The following TOP1MT variants were observed in gnomAD, a reference collection of about 807,000 sequenced individuals.
TOP1MT encodes DNA topoisomerase I mitochondrial.
TOP1MT carries 80 observed loss-of-function variants against 73.9 expected under a neutral mutation model. The observed-to-expected ratio is 1.08, with a 90% CI of 0.90 to 1.30. TOP1MT has a LOEUF of 1.30. Among genes scored for constraint, TOP1MT ranks in the 50% most tolerant of loss-of-function variants. The pLI is 0.00. For synonymous variants in TOP1MT, 338 were observed against 326.4 expected (o/e 1.04, Z -0.38); for missense variants, 815 against 808.0 (o/e 1.01, Z -0.10).
In TOP1MT at chr8:143,316,145, C is replaced by T; in HGVS notation, c.1331-19G>A. On this transcript the variant is annotated intron_variant, in intron 10 of 13. Coordinates refer to ENST00000329245, the MANE Select transcript of TOP1MT (RefSeq NM_052963.3). ...TCCTCGGCTGAGAGGCACGGGCTGT[C>T]AGAGGCAGCACCCACGGGGCCGGCC... is the stretch of plus-strand genomic sequence containing the variant. 6.2e-7 allele frequency: 1 copy of T among 1,613,934 alleles called. No homozygotes were observed. The highest frequency in any genetic ancestry group is 8.5e-7 in the Non-Finnish European group (1 of 1,179,948).
At chr8:143,314,911 G>A (rs1816111492) in intron 12 of TOP1MT, among the ~76,000 whole-genome samples, 1 of 152,138 alleles carries the variant, frequency 6.6e-6, no homozygotes, top group African/African-American at 2.4e-5. Context: ...AGATATGAGG[G>A]GACATAGTGA....
chr8:143,343,361 A>T, intron 1 of TOP1MT: 1 of 441,436 alleles, frequency 2.3e-6, no homozygotes, highest in Non-Finnish European at 4.6e-6. Flanking sequence ...ACAGAGAGTC[A>T]GAACAACCTC....
At position 143,333,174 on chromosome 8, in the gene TOP1MT, C is replaced by T. The variant is rs554651755; in HGVS notation, c.122+1566G>A. Among the ~76,000 whole-genome samples, 10 of 151,448 alleles carry T rather than the reference C, an allele frequency of 6.6e-5. No individual in the cohort carries two copies. The East Asian group carries it at 1.4e-3, about 21-fold the overall frequency. ...GGAACTAACTGATAGGAGCCAGGCG[C>T]GGTGACTCACGCCTGTAATACCAGC... is the stretch of plus-strand genomic sequence containing the variant. On this transcript the variant is annotated intron_variant, in intron 1 of 13. Coordinates refer to ENST00000329245, the MANE Select transcript of TOP1MT (RefSeq NM_052963.3).
intron 8 of TOP1MT, among the ~76,000 whole-genome samples, chr8:143,320,628 A>G (rs1816305096): frequency 6.6e-6 from 1 of 152,248 alleles, no homozygotes; most frequent in South Asian, 2.1e-4. Flanking sequence ...TCATAGAAAG[A>G]GTGGGCTGGG....
chr8:143,329,404 A>G lies in TOP1MT; in HGVS notation c.306T>C (p.His102=). 3 of 1,610,760 alleles carry G rather than the reference A, an allele frequency of 1.9e-6. No homozygotes were observed. The highest frequency in any genetic ancestry group is 2.5e-6 in the Non-Finnish European group (3 of 1,179,150). ...GGAAAACCTCCTTTGTTGTGTATTC[A>G]TGATCTAACATCCTCCCATAAAAAG... ...VATFYGRMLD[H]EYTTKEVFRK... The change falls in exon 3 of 14, where the codon CAT becomes CAC. Residue 102 remains histidine (H), a synonymous_variant. Coordinates refer to ENST00000329245, the MANE Select transcript of TOP1MT (RefSeq NM_052963.3).
upstream of TOP1MT, among the ~76,000 whole-genome samples, chr8:143,345,794 A>G (rs1817210341): frequency 6.6e-6 from 1 of 152,212 alleles, no homozygotes; most frequent in South Asian, 2.1e-4. Flanking sequence ...ACTTTTTCTA[A>G]ATTGAAGTCC....
At chr8:143,311,547 A>C (rs1211281723) in intron 12 of TOP1MT, among the ~76,000 whole-genome samples, 1 of 152,070 alleles carries the variant, frequency 6.6e-6, no homozygotes, top group Non-Finnish European at 1.5e-5. Flanking sequence ...GGAGATTGAG[A>C]CCATCCTGGC....
rs542581908 is a variant in TOP1MT, at chr8:143,310,250, C to T, written c.1554-33G>A. On this transcript the variant is annotated intron_variant, in intron 12 of 13. Transcript: ENST00000329245. ...GAGAAGAGGAGGCCGCGAGGCCCCG[C>T]GCTGGACTAGCGCCACCTGAGGAGA... 237 of 1,464,656 alleles carry T rather than the reference C, an allele frequency of 1.6e-4. 3 individuals are homozygous for T. The highest frequency in any genetic ancestry group is 1.3e-3 in the South Asian group (95 of 72,316). 90.7% of individuals were successfully genotyped at this position (1,464,656 alleles called of 1,614,324 possible). A position where few individuals can be genotyped will look rare whatever the true frequency, so the allele number is the denominator to read the frequency against.
chr8:143,334,953 G>T, upstream of TOP1MT: 1 of 1,200,608 alleles, frequency 8.3e-7, no homozygotes, highest in African/African-American at 1.7e-5. Context: ...CCCCGAGCGC[G>T]GCCTCCGCCC....
rs1816952074 is a variant in TOP1MT at position 143,334,854 on chromosome 8, A to C, written c.8T>G (p.Val3Gly). 6.8e-7 allele frequency: 1 copy of C among 1,481,318 alleles called. No homozygotes were observed. The highest frequency in any genetic ancestry group is 8.8e-7 in the Non-Finnish European group (1 of 1,133,950). The allele number at this position is 1,481,318 out of a possible 1,614,324, so 91.8% of individuals were successfully genotyped here. Residue 3 changes from valine (V) to glycine (G), a missense_variant, in exon 1 of 14, where the codon GTG becomes GGG. This residue lies in a region of TOP1MT where 60 missense variants were observed against 65.9 expected (regional missense o/e 0.91). Transcript: ENST00000329245. MR[V>G]VRLLRLRAAL... is the part of the protein sequence containing the mutation. Reference sequence around the variant, plus strand: ...CGCCCGGAGCCGCAGCAGCCGCACCACGCGCATCTGCCAGCCTCCGGGAAA... The same window carrying C: ...CGCCCGGAGCCGCAGCAGCCGCACCCCGCGCATCTGCCAGCCTCCGGGAAA...
At chr8:143,355,197 G>T (rs767582256) in intron 1 of TOP1MT, 7 of 152,200 alleles carry the variant, frequency 4.6e-5, no homozygotes, top group African/African-American at 7.2e-5. Context: ...CAGCAAACAC[G>T]ATTTGACAGG....
At chr8:143,318,201 C>T in intron 8 of TOP1MT, 115 bp from the exon 9 acceptor site, 2 of 872,554 alleles carry the variant, frequency 2.3e-6, no homozygotes, top group Non-Finnish European at 3.7e-6. Context: ...AGGAAGGTGG[C>T]CCGAGCAGCA....
intron 5 of TOP1MT, among the ~76,000 whole-genome samples, chr8:143,325,105 T>C (rs1816668571): frequency 6.6e-6 from 1 of 152,126 alleles, no homozygotes; most frequent in African/African-American, 2.4e-5. Context: ...CACATGGAGG[T>C]GTCCTTGGCG....
rs763983283 is a variant in TOP1MT, at chr8:143,321,341, C to G, written c.1006G>C (p.Asp336His). The G allele has an allele frequency of 1.9e-6, 3 of 1,600,108 alleles. No homozygotes were observed. In the East Asian group the frequency reaches 6.7e-5, roughly 36 times the overall value. ...GNEKEDGEAA[D>H]TVGCCSLRVE... ...CGGAGGGAACAGCAGCCCACGGTGT[C>G]GGCCGCCTCACCGTCCTCCTTCTCA... The change falls in exon 8 of 14, where the codon GAC (aspartate) becomes CAC (histidine). Residue 336 changes from aspartate to histidine, a missense_variant. Asp to His is a moderately conservative substitution (Grantham distance 81, BLOSUM62 -1). Around this residue, in one of 3 missense-constraint regions of TOP1MT, gnomAD observed 751 missense variants for 725.4 expected, o/e 1.04. Coordinates refer to ENST00000329245, the MANE Select transcript of TOP1MT (RefSeq NM_052963.3).
chr8:143,331,625 G>A (rs911284477), intron 1 of TOP1MT: 2 of 325,492 alleles, frequency 6.1e-6, no homozygotes. Context: ...AGCTAAGTGG[G>A]AAAGGCAACG....
upstream of TOP1MT, among the ~76,000 whole-genome samples, chr8:143,348,526 C>A (rs1212159303): frequency 7.4e-5 from 11 of 149,354 alleles, no homozygotes; most frequent in Admixed American, 6.6e-4. This position sits in a 1 kb window ranked among gnomAD's most constrained non-coding sequence, Gnocchi z 4.6. Flanking sequence ...GGGTGCCCTG[C>A]AGGGGTGTGG....
chr8:143,312,886 A>C (rs1050850258), intron 12 of TOP1MT, among the ~76,000 whole-genome samples: 2 of 152,230 alleles, frequency 1.3e-5, no homozygotes, highest in African/African-American at 2.4e-5. Flanking sequence ...CAGGAGTTCA[A>C]GAGTAGCTTG....
chr8:143,332,992 A>G (rs1816900705), intron 1 of TOP1MT, among the ~76,000 whole-genome samples: 1 of 152,208 alleles, frequency 6.6e-6, no homozygotes, highest in Non-Finnish European at 1.5e-5. Context: ...AGTTCAAGAG[A>G]GCCCACCAGC....
chr8:143,315,024 T>G (rs560114889), intron 12 of TOP1MT, among the ~76,000 whole-genome samples: 1 of 152,240 alleles, frequency 6.6e-6, no homozygotes, highest in Non-Finnish European at 1.5e-5. Context: ...GGAAGATGCC[T>G]ATTGCCAGGC....
Sources: gnomAD v4.1 joint callset for allele counts (sites outside exome capture counted in the v4.1 genomes callset) on GRCh38, gnomAD v4.1.1 for gene constraint, gnomAD v4.1.1 regional missense constraint, Gnocchi (gnomAD v3.1) non-coding constraint, MANE v1.5 for transcripts, NCBI Gene and HGNC (gene_info 2026-07-23, HGNC 2026-07-21) for gene names.